The following PDIA6 variants were observed in gnomAD, a reference collection of about 807,000 sequenced individuals.
PDIA6 encodes protein disulfide-isomerase A6.
A neutral mutation model predicts 58.4 loss-of-function variants in PDIA6; 29 were observed. That is an observed-to-expected ratio of 0.50 (90% confidence interval 0.37 to 0.68). The LOEUF (loss-of-function observed/expected upper bound fraction) is 0.68. PDIA6 is among the 30% of genes least tolerant of loss of function. PDIA6 has a pLI of 0.00. For missense variants in PDIA6, 480 were observed against 551.0 expected (o/e 0.87, Z 1.29); for synonymous variants, 192 against 202.6 (o/e 0.95, Z 0.44).
chr2:10,819,151 C>T, intron 2 of PDIA6: 1 of 617,396 alleles, frequency 1.6e-6, no homozygotes, highest in East Asian at 2.8e-5. Context: ...AGTCACATTC[C>T]ATCATATGAC....
Position 10,789,767 on chromosome 2 carries a change from T to C in PDIA6, c.822A>G (p.Pro274=). The C allele has an allele frequency of 6.2e-7, 1 of 1,613,706 alleles. No homozygotes were observed. The highest frequency in any genetic ancestry group is 8.5e-7 in the Non-Finnish European group (1 of 1,179,830). ...GGTTTACCTCAAGCAGCTCAGGAGG[T>C]GGGGCGTTATCAGAAAACAAATCAA... ...RALDLFSDNA[P]PPELLEIINE... Residue 274 remains proline, a synonymous_variant, in exon 8 of 13, where the codon CCA becomes CCG. Transcript: ENST00000272227.
chr2:10,822,999 A>T (rs1667444656), intron 1 of PDIA6: 1 of 152,216 alleles, frequency 6.6e-6, no homozygotes, highest in Non-Finnish European at 1.5e-5. Flanking sequence ...ATCTGGGGCC[A>T]ATCTTAGAGT....
At chr2:10,791,981 G>A (rs975180747) in intron 5 of PDIA6, 56 bp from the exon 6 acceptor site, 22 of 1,561,040 alleles carry the variant, frequency 1.4e-5, no homozygotes, top group Non-Finnish European at 1.6e-5. Context: ...CACTTTTCCT[G>A]TTTTAAATAA....
intron 1 of PDIA6, among the ~76,000 whole-genome samples, chr2:10,822,564 A>T (rs1361704318): frequency 1.3e-5 from 2 of 152,216 alleles, no homozygotes; most frequent in Non-Finnish European, 2.9e-5. Context: ...GCCTGGCCTC[A>T]TAAATGATTT....
intron 11 of PDIA6, among the ~76,000 whole-genome samples, chr2:10,785,777 G>A (rs1327630405): frequency 3.9e-5 from 6 of 152,230 alleles, no homozygotes; most frequent in Non-Finnish European, 7.3e-5. Context: ...CCAGGCTGGA[G>A]TGCAGTGGTG....
chr2:10,819,806 T>C (rs145710504), intron 1 of PDIA6, among the ~76,000 whole-genome samples: 257 of 152,376 alleles, frequency 1.7e-3, no homozygotes, highest in African/African-American at 6.1e-3. Flanking sequence ...TACCTACAAC[T>C]TTCCCTTCTC....
intron 12 of PDIA6, 56 bp downstream of exon 12, chr2:10,784,878 G>T: frequency 1.6e-6 from 2 of 1,271,580 alleles, no homozygotes; most frequent in Non-Finnish European, 2.2e-6. Flanking sequence ...AGATGCACAG[G>T]CTCAAGAGAG....
chr2:10,831,786 C>A (rs565181712), intron 1 of PDIA6, among the ~76,000 whole-genome samples: 1 of 152,082 alleles, frequency 6.6e-6, no homozygotes, highest in East Asian at 1.9e-4. Flanking sequence ...AGCTCCCGGC[C>A]GTAGTCATCC....
upstream of PDIA6, among the ~76,000 whole-genome samples, chr2:10,834,315 T>A (rs1190171888): frequency 6.6e-6 from 1 of 152,254 alleles, no homozygotes. Context: ...CCTGCAGCAG[T>A]GTGCTTTGGA....
chr2:10,815,005 G>C (rs1287597960), upstream of PDIA6, among the ~76,000 whole-genome samples: 6 of 152,234 alleles, frequency 3.9e-5, no homozygotes, highest in Admixed American at 3.9e-4. Flanking sequence ...CAGGTCACTG[G>C]CTGCTCTGGA....
chr2:10,824,165 G>T (rs963372607), intron 1 of PDIA6, among the ~76,000 whole-genome samples: 2 of 151,494 alleles, frequency 1.3e-5, no homozygotes, highest in African/African-American at 4.9e-5. Flanking sequence ...GGATGCTGTG[G>T]TATGTAGCCC....
chr2:10,831,768 C>T (rs1293675785), intron 1 of PDIA6, among the ~76,000 whole-genome samples: 5 of 152,076 alleles, frequency 3.3e-5, no homozygotes, highest in South Asian at 2.1e-4. Flanking sequence ...AGTTTCCAAG[C>T]GGAACCCAGC....
At chr2:10,791,965 GA>G in intron 5 of PDIA6, 40 bp from the exon 6 acceptor site, 13 of 1,596,368 alleles carry the variant, frequency 8.1e-6, no homozygotes, top group Non-Finnish European at 8.5e-6. Flanking sequence ...ATTGGGCCAA[GA>G]AGAACACTTT....
chr2:10,828,619 G>A (rs748319369), intron 1 of PDIA6, among the ~76,000 whole-genome samples: 4 of 152,204 alleles, frequency 2.6e-5, no homozygotes, highest in African/African-American at 9.7e-5. Context: ...TAGCCTGTGC[G>A]GGGCAGGCGA....
At chr2:10,834,618 C>T (rs1667783762), upstream of PDIA6, among the ~76,000 whole-genome samples, 1 of 151,748 alleles carries the variant, frequency 6.6e-6, no homozygotes, top group African/African-American at 2.4e-5. Flanking sequence ...TTGTTATGAA[C>T]ACTAAGAGGC....
chr2:10,788,604 A>C, intron 10 of PDIA6, 93 bp downstream of exon 10: 1 of 859,612 alleles, frequency 1.2e-6, no homozygotes, highest in Admixed American at 2.0e-5. Flanking sequence ...GCAAACATAG[A>C]ACACAGCTTA....
chr2:10,822,821 T>C (rs1667439232), intron 1 of PDIA6, among the ~76,000 whole-genome samples: 1 of 152,214 alleles, frequency 6.6e-6, no homozygotes, highest in Non-Finnish European at 1.5e-5. Context: ...TCTGAGCCTT[T>C]GTTATGGCTG....
intron 2 of PDIA6, among the ~76,000 whole-genome samples, chr2:10,799,592 G>C (rs1348009296): frequency 6.6e-6 from 1 of 152,060 alleles, no homozygotes; most frequent in African/African-American, 2.4e-5. Flanking sequence ...CTGAAGTTAG[G>C]GTCTATCGGG....
chr2:10,783,440 G>C lies in PDIA6; in HGVS notation c.*818C>G. The C allele has an allele frequency of 2.0e-6, 1 of 511,248 alleles. No individual in the cohort carries two copies. The highest frequency in any genetic ancestry group is 3.5e-6 in the Non-Finnish European group (1 of 287,890). 31.7% of individuals were successfully genotyped at this position (511,248 alleles called of 1,614,324 possible). A position where few individuals can be genotyped will look rare whatever the true frequency, so the allele number is the denominator to read the frequency against. Reference sequence around the variant, plus strand: ...TTAAGTTACAATAAAATGCTCTCAAGTCCTTTGAATGTTCCAACAAATTCA... The same window carrying C: ...TTAAGTTACAATAAAATGCTCTCAACTCCTTTGAATGTTCCAACAAATTCA... On this transcript the variant is annotated 3_prime_UTR_variant, in exon 13 of 13. Transcript: ENST00000272227.
Sources: gnomAD v4.1 joint callset for allele counts (sites outside exome capture counted in the v4.1 genomes callset) on GRCh38, gnomAD v4.1.1 for gene constraint, MANE v1.5 for transcripts, NCBI Gene and HGNC (gene_info 2026-07-23, HGNC 2026-07-21) for gene names.